ERMP1: variants seen among roughly 807,000 people sequenced by gnomAD.
ERMP1 encodes the protein Felix-ina.
In ERMP1, 86 loss-of-function variants were observed where a neutral mutation model predicts 92.0. That is an observed-to-expected ratio of 0.93 (90% CI 0.79 to 1.12). The LOEUF (loss-of-function observed/expected upper bound fraction) is 1.12, where lower values mean the gene tolerates loss of function less well. Ranked by LOEUF, ERMP1 falls within the 50% of genes most tolerant of loss-of-function variation. The pLI, the probability that ERMP1 is intolerant of heterozygous loss-of-function variation, is 0.00. For missense variants in ERMP1, 1,342 were observed against 1,116.3 expected (o/e 1.20, Z -2.88); for synonymous variants, 530 against 412.8 (o/e 1.28, Z -3.44).
chr9:5,811,056 T>A, intron 7 of ERMP1, 55 bp downstream of exon 7: 1 of 1,261,724 alleles, frequency 7.9e-7, no homozygotes, highest in East Asian at 2.3e-5. Context: ...CTGAAAAACT[T>A]CAAGCACATT....
chr9:5,824,152 C>T (rs1187322071), intron 3 of ERMP1, 151 bp from the exon 4 acceptor site: 1 of 647,434 alleles, frequency 1.5e-6, no homozygotes, highest in African/African-American at 1.8e-5. Flanking sequence ...AAGACATCTT[C>T]TGCTTCTTTT....
chr9:5,815,358 A>G (rs972602), intron 4 of ERMP1, among the ~76,000 whole-genome samples: 52,723 of 151,776 alleles, frequency 0.35, 10,251 homozygotes, highest in East Asian at 0.75. Flanking sequence ...AGTGATCAAA[A>G]AGACATGTCA....
In ERMP1 at chr9:5,851,401, A is replaced by T. The variant is rs147560874; in HGVS notation, n.3199+8067T>A. ...AATGAATTAATTACACTATTTAAAG[A>T]CTTTTCATCAATACATTTCTCTTTC... On this transcript the variant is annotated intron_variant and non_coding_transcript_variant, in intron 6 of 6. Transcript: ENST00000690753. 4.1e-3 allele frequency among the ~76,000 whole-genome samples: 624 copies of T among 152,328 alleles called. 13 individuals are homozygous for T. The highest frequency in any genetic ancestry group is 1.4e-3 in the Non-Finnish European group (98 of 68,034).
At chr9:5,856,196 G>A in intron 6 of ERMP1, 1 of 281,042 alleles carries the variant, frequency 3.6e-6, no homozygotes, top group Non-Finnish European at 7.2e-6. Context: ...AACCATCTGG[G>A]AGCCAGTGCT....
intron 6 of ERMP1, among the ~76,000 whole-genome samples, chr9:5,847,913 G>T (rs1274525110): frequency 7.7e-6 from 1 of 130,492 alleles, no homozygotes; most frequent in Non-Finnish European, 1.7e-5. Context: ...AAAAAGACAG[G>T]AAAAAAAAAA....
Position 5,832,764 on chromosome 9 carries a change from C to G in ERMP1, c.264G>C (p.Val88=). The G allele has an allele frequency of 6.7e-7, 1 of 1,499,606 alleles. No individual in the cohort carries two copies. The allele number at this position is 1,499,606 out of a possible 1,614,324, so 92.9% of individuals were successfully genotyped here. Residue 88 remains valine, a synonymous_variant, in exon 1 of 15, where the codon GTG becomes GTC. Transcript: ENST00000339450. ...ALYLIALRTL[V]QLSLQQLVLR... is the part of the protein sequence containing the mutation. ...GCACGAGCTGCTGCAGCGAGAGCTG[C>G]ACCAGCGTCCGCAGCGCGATCAGGT...
At chr9:5,859,510 T>A (rs1370094986) in exon 6 of ERMP1, among the ~76,000 whole-genome samples, 1 of 152,312 alleles carries the variant, frequency 6.6e-6, no homozygotes, top group East Asian at 1.9e-4. Flanking sequence ...TCCAATCTCT[T>A]CCTCCTGGCC....
chr9:5,854,168 G>A (rs1053741498), intron 6 of ERMP1, among the ~76,000 whole-genome samples: 2 of 151,940 alleles, frequency 1.3e-5, no homozygotes. Context: ...TTTTACTGGG[G>A]ATCTGGAGGA....
Position 5,785,332 on chromosome 9 carries a change from A to G in ERMP1, c.*1812T>C, listed in dbSNP as rs1202489881. On this transcript the variant is annotated 3_prime_UTR_variant, in exon 15 of 15. Transcript: ENST00000339450. The stretch of plus-strand genomic sequence containing the variant: ...GGGATAGAAAATAGGCCCATTTTTA[A>G]AATTCATTGAGAAATTATTACTTTT... 6.6e-6 allele frequency: 1 copy of G among 152,230 alleles called. No homozygotes were observed. The highest frequency in any genetic ancestry group is 2.1e-4 in the South Asian group (1 of 4,830). 9.4% of individuals were successfully genotyped at this position (152,230 alleles called of 1,614,324 possible).
intron 13 of ERMP1, among the ~76,000 whole-genome samples, chr9:5,795,225 A>G (rs1451899687): frequency 6.6e-6 from 1 of 152,214 alleles, no homozygotes; most frequent in East Asian, 1.9e-4. Context: ...TCAGTAAGCT[A>G]GGAATAGAGG....
At chr9:5,848,833 G>C (rs990287694) in intron 6 of ERMP1, among the ~76,000 whole-genome samples, 2 of 152,178 alleles carry the variant, frequency 1.3e-5, no homozygotes, top group African/African-American at 4.8e-5. Context: ...CTTTCTAAAA[G>C]AGTGAGTGGG....
chr9:5,815,494 CAAAAAAAAA>C (rs3068691), intron 4 of ERMP1, among the ~76,000 whole-genome samples: 4 of 97,422 alleles, frequency 4.1e-5, no homozygotes, highest in African/African-American at 1.3e-4. Context: ...ACTGAAATAA[CAAAAAAAAA>C]AAAAAAAAAA....
At chr9:5,801,596 A>C (rs974220168) in intron 10 of ERMP1, among the ~76,000 whole-genome samples, 1 of 152,210 alleles carries the variant, frequency 6.6e-6, no homozygotes, top group Non-Finnish European at 1.5e-5. Context: ...CAAGAGGGAA[A>C]AAGGAAACTC....
At chr9:5,829,534 T>C (rs1829859211) in intron 2 of ERMP1, among the ~76,000 whole-genome samples, 1 of 152,224 alleles carries the variant, frequency 6.6e-6, no homozygotes, top group Admixed American at 6.5e-5. Flanking sequence ...AGGTACTATT[T>C]TAGCGTTTTA....
At position 5,832,701 on chromosome 9, in the gene ERMP1, C is replaced by T; in HGVS notation, c.327G>A (p.Ala109=). 1 of 1,473,570 alleles carries T rather than the reference C, an allele frequency of 6.8e-7. No individual in the cohort carries two copies. The highest frequency in any genetic ancestry group is 8.9e-7 in the Non-Finnish European group (1 of 1,120,158). 91.3% of individuals were successfully genotyped at this position (1,473,570 alleles called of 1,614,324 possible). The part of the protein sequence containing the change: ...GAAGHRGEFD[A]LQARDYLEHI... Reference sequence around the variant, plus strand: ...GGAGCGGCCGGTACCTGGCTTGGAGCGCGTCGAACTCCCCGCGGTGTCCAG... The same window carrying T: ...GGAGCGGCCGGTACCTGGCTTGGAGTGCGTCGAACTCCCCGCGGTGTCCAG... Residue 109 remains alanine, a synonymous_variant, in exon 1 of 15, where the codon GCG becomes GCA. Transcript: ENST00000339450.
At position 5,824,085 on chromosome 9, in the gene ERMP1, C is replaced by A; in HGVS notation, c.769-84G>T. On this transcript the variant is annotated intron_variant, in intron 3 of 14. Coordinates refer to ENST00000339450, the MANE Select transcript of ERMP1 (RefSeq NM_024896.3). ...ATTTTGCTTAAACACAGAGAGACTA[C>A]TTTGATGAGGTAAGGAATATGAAAA... The A allele has an allele frequency of 4.0e-6, 4 of 999,118 alleles. 1 individual carries two copies. The highest frequency in any genetic ancestry group is 6.2e-6 in the Non-Finnish European group (4 of 646,772). 61.9% of individuals were successfully genotyped at this position (999,118 alleles called of 1,614,324 possible). A position where few individuals can be genotyped will look rare whatever the true frequency, so the allele number is the denominator to read the frequency against.
chr9:5,809,980 A>ATT (rs1435983199), intron 8 of ERMP1, 31 bp downstream of exon 8: 1 of 1,463,128 alleles, frequency 6.8e-7, no homozygotes, highest in Non-Finnish European at 9.5e-7. Flanking sequence ...GAGGCAACAG[A>ATT]AAGAAATCAA....
upstream of ERMP1, among the ~76,000 whole-genome samples, chr9:5,837,626 G>A (rs867155910): frequency 3.3e-5 from 5 of 152,048 alleles, no homozygotes; most frequent in Non-Finnish European, 7.4e-5. Flanking sequence ...TTCAAAAAGG[G>A]GATAATATGT....
chr9:5,860,871 G>T (rs1387298456), intron 5 of ERMP1, among the ~76,000 whole-genome samples: 1 of 152,008 alleles, frequency 6.6e-6, no homozygotes, highest in Admixed American at 6.6e-5. Context: ...TACTATGGTG[G>T]CTGGTTCCCT....
Sources: gnomAD v4.1 joint callset for allele counts (sites outside exome capture counted in the v4.1 genomes callset) on GRCh38, gnomAD v4.1.1 for gene constraint, MANE v1.5 for transcripts, NCBI Gene and HGNC (gene_info 2026-07-23, HGNC 2026-07-21) for gene names.